LYPLAL1: variants seen among roughly 807,000 people sequenced by gnomAD.
LYPLAL1 encodes the protein lysophospholipase like 1.
A neutral mutation model predicts 19.7 loss-of-function variants in LYPLAL1; 23 were observed. That is an observed-to-expected ratio of 1.17 (90% CI 0.84 to 1.65). LYPLAL1 has a LOEUF of 1.65. LYPLAL1 is among the 40% of genes most tolerant of loss of function. The probability of loss-of-function intolerance (pLI) is 0.00; values close to 1 mark genes in which losing one functional copy is unlikely to be tolerated. For synonymous variants in LYPLAL1, 119 were observed against 96.3 expected (o/e 1.24, Z -1.38); for missense variants, 355 against 279.4 (o/e 1.27, Z -1.93).
the LYPLAL1 span, among the ~76,000 whole-genome samples, chr1:219,320,068 A>G: frequency 6.6e-6 from 1 of 152,256 alleles, no homozygotes; most frequent in Non-Finnish European, 1.5e-5. Flanking sequence ...ACAATACGCA[A>G]GACAGAAAAT....
At chr1:219,397,509 G>C in the LYPLAL1 span, among the ~76,000 whole-genome samples, 1 of 152,116 alleles carries the variant, frequency 6.6e-6, no homozygotes, top group African/African-American at 2.4e-5. Flanking sequence ...TTGTGCACCA[G>C]TTTGCCACTC....
At chr1:219,339,632 G>C in the LYPLAL1 span, among the ~76,000 whole-genome samples, 1 of 151,988 alleles carries the variant, frequency 6.6e-6, no homozygotes, top group Non-Finnish European at 1.5e-5. Flanking sequence ...AGAAAATTTA[G>C]GTTTAGCAAT....
the LYPLAL1 span, among the ~76,000 whole-genome samples, chr1:219,403,605 G>C: frequency 6.6e-6 from 1 of 152,256 alleles, no homozygotes; most frequent in East Asian, 1.9e-4. Flanking sequence ...GGGAGATTTT[G>C]AGTAGAAAAA....
chr1:219,254,939 T>C, the LYPLAL1 span, among the ~76,000 whole-genome samples: 2 of 152,004 alleles, frequency 1.3e-5, no homozygotes, highest in Admixed American at 6.6e-5. Context: ...AATCCCATAG[T>C]TGTCGAACGT....
the LYPLAL1 span, among the ~76,000 whole-genome samples, chr1:219,430,981 C>T: frequency 6.6e-6 from 1 of 151,938 alleles, no homozygotes; most frequent in Non-Finnish European, 1.5e-5. Context: ...CTCAGAACCT[C>T]GGAAGAGTTT....
the LYPLAL1 span, among the ~76,000 whole-genome samples, chr1:219,425,552 C>A: frequency 6.6e-6 from 1 of 151,890 alleles, no homozygotes; most frequent in Non-Finnish European, 1.5e-5. Flanking sequence ...CTTAAGCCAC[C>A]GAAATTTGTT....
chr1:219,274,782 G>T, the LYPLAL1 span, among the ~76,000 whole-genome samples: 1 of 152,162 alleles, frequency 6.6e-6, no homozygotes, highest in Non-Finnish European at 1.5e-5. Context: ...GTCTCTGAAA[G>T]CAGTCAAAGG....
At chr1:219,359,325 T>C in the LYPLAL1 span, among the ~76,000 whole-genome samples, 8 of 152,212 alleles carry the variant, frequency 5.3e-5, no homozygotes, top group Non-Finnish European at 1.2e-4. Context: ...CAAAGCAAAC[T>C]GTGTTTTCTT....
chr1:219,235,603 A>G, the LYPLAL1 span, among the ~76,000 whole-genome samples: 1 of 152,234 alleles, frequency 6.6e-6, no homozygotes, highest in Admixed American at 6.5e-5. Flanking sequence ...TTTCTACTAC[A>G]TGCGTACGCA....
At chr1:219,413,943 G>A in the LYPLAL1 span, among the ~76,000 whole-genome samples, 1 of 152,194 alleles carries the variant, frequency 6.6e-6, no homozygotes, top group East Asian at 1.9e-4. Flanking sequence ...AAACGGTAAA[G>A]ACTTCTGCAA....
At chr1:219,423,162 C>A in the LYPLAL1 span, among the ~76,000 whole-genome samples, 17 of 152,294 alleles carry the variant, frequency 1.1e-4, no homozygotes, top group African/African-American at 4.1e-4. Flanking sequence ...CTTCTAGCAG[C>A]CACATGTACA....
At chr1:219,308,254 C>T in the LYPLAL1 span, among the ~76,000 whole-genome samples, 2 of 152,068 alleles carry the variant, frequency 1.3e-5, no homozygotes, top group Non-Finnish European at 2.9e-5. Flanking sequence ...CAAGAGGTGA[C>T]TTGGGTGCTG....
At chr1:219,218,064 T>G in the LYPLAL1 span, among the ~76,000 whole-genome samples, 2 of 151,950 alleles carry the variant, frequency 1.3e-5, no homozygotes, top group African/African-American at 4.8e-5. Flanking sequence ...GTAAAATGTT[T>G]ATTGATAGGA....
At chr1:219,255,546 A>G in the LYPLAL1 span, among the ~76,000 whole-genome samples, 2 of 151,878 alleles carry the variant, frequency 1.3e-5, no homozygotes, top group South Asian at 2.1e-4. Context: ...TGTCTCCCCA[A>G]ATTGCAATTT....
In LYPLAL1 at chr1:219,174,214, GGCCTTGTGTCCCGCCGCTCAGCCA is replaced by G. The variant is rs926973512; in HGVS notation, c.91+237_91+260del. On this transcript the variant is annotated intron_variant, in intron 1 of 4. Transcript: ENST00000366928. Reference sequence around the variant, plus strand: ...CACTGGTCCACCACCCTCGCTTTGGGGCCTTGTGTCCCGCCGCTCAGCCAGCCCTCCATCCCCACAACACACCTC... The same window carrying G: ...CACTGGTCCACCACCCTCGCTTTGGGGCCCTCCATCCCCACAACACACCTC... The G allele has an allele frequency of 5.7e-6, 8 of 1,399,788 alleles. No individual in the cohort carries two copies. In the African/African-American group the frequency reaches 1.0e-4, roughly 18 times the overall value. 86.7% of individuals were successfully genotyped at this position (1,399,788 alleles called of 1,614,324 possible).
chr1:219,265,573 A>T, the LYPLAL1 span, among the ~76,000 whole-genome samples: 1 of 152,198 alleles, frequency 6.6e-6, no homozygotes. Flanking sequence ...TTTTAATAAC[A>T]TTAGCATTTT....
intron 2 of LYPLAL1, among the ~76,000 whole-genome samples, chr1:219,181,380 C>G (rs890532401): frequency 1.3e-5 from 2 of 152,082 alleles, no homozygotes; most frequent in South Asian, 2.1e-4. Context: ...AAGAGGAGTT[C>G]CCATATACAG....
At chr1:219,216,684 G>C (rs1659301220), downstream of LYPLAL1, among the ~76,000 whole-genome samples, 1 of 151,908 alleles carries the variant, frequency 6.6e-6, no homozygotes, top group Non-Finnish European at 1.5e-5. Flanking sequence ...GAATTGCGGG[G>C]GCACCTCTGC....
chr1:219,258,446 G>A, the LYPLAL1 span, among the ~76,000 whole-genome samples: 83 of 152,008 alleles, frequency 5.5e-4, 1 homozygote, highest in East Asian at 0.013. Context: ...CCCTCCGTTC[G>A]GGGTCCCTGA....
Sources: allele counts gnomAD v4.1 joint callset (sites outside exome capture counted in the v4.1 genomes callset), GRCh38; gene constraint gnomAD v4.1.1; transcripts MANE v1.5; gene names NCBI Gene and HGNC (gene_info 2026-07-23, HGNC 2026-07-21).